The following RIPPLY3 variants were observed in gnomAD, a reference collection of about 807,000 sequenced individuals.
RIPPLY3 encodes the protein ripply transcriptional repressor 3.
In RIPPLY3, 8 loss-of-function variants were observed where a neutral mutation model predicts 11.9. The observed-to-expected ratio is 0.67, with a 90% CI of 0.40 to 1.21. The LOEUF is 1.21. RIPPLY3 is among the 50% of genes most tolerant of loss of function. The pLI is 0.01. For missense variants in RIPPLY3, 271 were observed against 246.0 expected (o/e 1.10, Z -0.68); for synonymous variants, 102 against 99.0 (o/e 1.03, Z -0.18).
At chr21:37,012,162 T>C (rs2069529546) in intron 2 of RIPPLY3, among the ~76,000 whole-genome samples, 1 of 150,850 alleles carries the variant, frequency 6.6e-6, no homozygotes, top group East Asian at 1.9e-4. Context: ...CTTTGGAATC[T>C]GAAGATTTGG....
chr21:37,010,119 A>G (rs989536772), intron 2 of RIPPLY3, among the ~76,000 whole-genome samples: 8 of 152,190 alleles, frequency 5.3e-5, no homozygotes, highest in Non-Finnish European at 8.8e-5. Context: ...CAAAAATGCC[A>G]TTGGCTGGAG....
chr21:37,017,698 C>T (rs1349983065), intron 3 of RIPPLY3, among the ~76,000 whole-genome samples, 176 bp from the exon 4 acceptor site: 1 of 152,064 alleles, frequency 6.6e-6, no homozygotes, highest in African/African-American at 2.4e-5. Flanking sequence ...TCACCAGGTG[C>T]CTCCAATAGG....
intron 2 of RIPPLY3, among the ~76,000 whole-genome samples, chr21:37,010,282 A>G (rs2069507880): frequency 6.6e-6 from 1 of 152,154 alleles, no homozygotes; most frequent in Non-Finnish European, 1.5e-5. Context: ...ATCTGAGGTC[A>G]GGAGTTCGAG....
chr21:37,017,208 T>C (rs946100419), intron 3 of RIPPLY3, among the ~76,000 whole-genome samples: 2 of 151,802 alleles, frequency 1.3e-5, no homozygotes, highest in Non-Finnish European at 2.9e-5. Context: ...TTGCCATGTA[T>C]GAGCAAATCC....
chr21:37,008,036 C>A, intron 1 of RIPPLY3, 121 bp from the exon 2 acceptor site: 2 of 967,768 alleles, frequency 2.1e-6, no homozygotes, highest in Non-Finnish European at 1.6e-6. Context: ...AGGGAAAGTT[C>A]CTGGGGGGTC....
intron 2 of RIPPLY3, among the ~76,000 whole-genome samples, chr21:37,011,248 G>A (rs1335505656): frequency 6.6e-6 from 1 of 152,178 alleles, no homozygotes; most frequent in Non-Finnish European, 1.5e-5. Context: ...AGATCGTGAT[G>A]CTCCTGCCTC....
chr21:37,012,220 T>G (rs2069531314), intron 2 of RIPPLY3, among the ~76,000 whole-genome samples: 1 of 143,652 alleles, frequency 7.0e-6, no homozygotes, highest in Admixed American at 7.0e-5. Flanking sequence ...TATTTATTAT[T>G]ATTATTATTA....
chr21:37,008,274 A>G, intron 2 of RIPPLY3, 51 bp downstream of exon 2: 2 of 1,594,048 alleles, frequency 1.3e-6, no homozygotes, highest in Non-Finnish European at 1.7e-6. Flanking sequence ...AGAAAGTGGC[A>G]TCGTCTTTTA....
chr21:37,006,465 T>A (rs963455228), upstream of RIPPLY3: 3 of 237,944 alleles, frequency 1.3e-5, no homozygotes, highest in African/African-American at 4.8e-5. The surrounding 1 kb of genome is among the most constrained non-coding windows in gnomAD (Gnocchi z 5.2). Flanking sequence ...CGGACCCCCC[T>A]CCTTGACACC....
chr21:37,015,949 A>G (rs2069574117), intron 3 of RIPPLY3, among the ~76,000 whole-genome samples: 2 of 151,066 alleles, frequency 1.3e-5, no homozygotes, highest in African/African-American at 4.9e-5. Context: ...CCTGGGCTCA[A>G]GTGATCCTCT....
At chr21:37,012,211 A>ATTT (rs72442181) in intron 2 of RIPPLY3, among the ~76,000 whole-genome samples, 17,724 of 94,970 alleles carry the variant, frequency 0.19, 1,200 homozygotes, top group South Asian at 0.33. Context: ...TCCGCTCCTT[A>ATTT]TTTATTATTA....
At chr21:37,007,248 T>G (rs776859628) in intron 1 of RIPPLY3, among the ~76,000 whole-genome samples, 12 of 152,114 alleles carry the variant, frequency 7.9e-5, no homozygotes, top group Non-Finnish European at 1.6e-4. Context: ...CCGTTTCTGT[T>G]GTCCCTGGAT....
chr21:37,014,693 T>C (rs1356638116), intron 3 of RIPPLY3, among the ~76,000 whole-genome samples: 1 of 152,232 alleles, frequency 6.6e-6, no homozygotes, highest in Non-Finnish European at 1.5e-5. Context: ...CTCCTCAGAC[T>C]GGTCAGAAGG....
intron 2 of RIPPLY3, among the ~76,000 whole-genome samples, chr21:37,011,710 T>C (rs2069523779): frequency 6.6e-6 from 1 of 152,096 alleles, no homozygotes; most frequent in African/African-American, 2.4e-5. Flanking sequence ...CTCACGCCTG[T>C]AATCCCAGCA....
intron 1 of RIPPLY3, among the ~76,000 whole-genome samples, chr21:37,007,606 G>A (rs1308146656): frequency 1.3e-5 from 2 of 151,680 alleles, no homozygotes; most frequent in African/African-American, 4.9e-5. Flanking sequence ...ACTGGGTTTC[G>A]CCATGTTGGC....
chr21:37,008,593 A>G lies in RIPPLY3; in HGVS notation c.171+370A>G, dbSNP rs1188888131. 1.3e-5 allele frequency among the ~76,000 whole-genome samples: 2 copies of G among 152,034 alleles called. 1 individual carries two copies. The highest frequency in any genetic ancestry group is 3.9e-4 in the East Asian group (2 of 5,188). ...GCCAAGATGGCGAAACCCCGTCTCT[A>G]CTAAAAATATAAAAATTAGCTGGGC... On this transcript the variant is annotated intron_variant, in intron 2 of 3. Coordinates refer to ENST00000329553, the MANE Select transcript of RIPPLY3 (RefSeq NM_018962.3).
rs575100901 is a variant in RIPPLY3 at position 37,006,743 on chromosome 21, G to A, written c.-30G>A. The A allele has an allele frequency of 1.7e-6, 2 of 1,208,706 alleles. No homozygotes were observed. The highest frequency in any genetic ancestry group is 2.1e-6 in the Non-Finnish European group (2 of 968,016). The allele number at this position is 1,208,706 out of a possible 1,614,324, so 74.9% of individuals were successfully genotyped here. A position where few individuals can be genotyped will look rare whatever the true frequency, so the allele number is the denominator to read the frequency against. ...CTAGGCGCGCTCGTAGGCCGGCGCC[G>A]CAGCAAGGGGCGCGGGCTCCGCCGG... On this transcript the variant is annotated 5_prime_UTR_variant, in exon 1 of 4. Transcript: ENST00000329553. This position sits in a 1 kb window ranked among gnomAD's most constrained non-coding sequence, Gnocchi z 5.2.
intron 2 of RIPPLY3, 91 bp downstream of exon 2, chr21:37,008,314 G>A (rs1292952203): frequency 2.2e-6 from 3 of 1,348,584 alleles, no homozygotes; most frequent in Non-Finnish European, 3.1e-6. Flanking sequence ...GGCCTTCTGC[G>A]CAGGGCCGTC....
chr21:37,017,805 G>A (rs941501054), intron 3 of RIPPLY3, 69 bp from the exon 4 acceptor site: 19 of 1,329,836 alleles, frequency 1.4e-5, no homozygotes, highest in Non-Finnish European at 1.0e-6. Flanking sequence ...CTGGGAAAAA[G>A]CACCCTCTAG....
Sources: gnomAD v4.1 joint callset for allele counts (sites outside exome capture counted in the v4.1 genomes callset) on GRCh38, gnomAD v4.1.1 for gene constraint, Gnocchi (gnomAD v3.1) non-coding constraint, MANE v1.5 for transcripts, NCBI Gene and HGNC (gene_info 2026-07-23, HGNC 2026-07-21) for gene names.